FHIT: variants seen among roughly 807,000 people sequenced by gnomAD.
The protein encoded by FHIT is bis(5'-adenosyl)-triphosphatase.
FHIT carries 19 observed loss-of-function variants against 17.9 expected under a neutral mutation model. The observed-to-expected ratio is 1.06, with a 90% CI of 0.74 to 1.56. The LOEUF (loss-of-function observed/expected upper bound fraction) is 1.56, where lower values mean the gene tolerates loss of function less well. Ranked by LOEUF, FHIT falls within the 40% of genes most tolerant of loss-of-function variation. The pLI is 0.00. For missense variants in FHIT, 248 were observed against 189.2 expected (o/e 1.31, Z -1.82); for synonymous variants, 81 against 69.7 (o/e 1.16, Z -0.81).
intron 8 of FHIT, among the ~76,000 whole-genome samples, chr3:59,851,586 T>G (rs1205386518): frequency 6.6e-6 from 1 of 152,182 alleles, no homozygotes; most frequent in African/African-American, 2.4e-5. Flanking sequence ...ACCCAACCTA[T>G]GTAATACTTA....
At chr3:60,361,535 C>A (rs1259835319) in intron 5 of FHIT, among the ~76,000 whole-genome samples, 1 of 152,120 alleles carries the variant, frequency 6.6e-6, no homozygotes, top group Middle Eastern at 3.2e-3. Flanking sequence ...AGCAAGTAAA[C>A]AAAGGATGGA....
At chr3:60,455,353 T>C (rs535997419) in intron 5 of FHIT, among the ~76,000 whole-genome samples, 9 of 152,292 alleles carry the variant, frequency 5.9e-5, no homozygotes, top group Non-Finnish European at 1.2e-4. Flanking sequence ...CCCTCCATCA[T>C]TGAGCTTCAG....
chr3:60,585,924 T>C (rs2037890967), intron 4 of FHIT, among the ~76,000 whole-genome samples: 1 of 151,964 alleles, frequency 6.6e-6, no homozygotes, highest in African/African-American at 2.4e-5. Flanking sequence ...GCCCTTAGTA[T>C]ATTAATGTAC....
chr3:59,801,101 C>A (rs560553106), intron 8 of FHIT, among the ~76,000 whole-genome samples: 1 of 152,278 alleles, frequency 6.6e-6, no homozygotes, highest in South Asian at 2.1e-4. Context: ...CAGAGCTGTA[C>A]CTGCTCATTT....
intron 3 of FHIT, among the ~76,000 whole-genome samples, chr3:60,927,932 G>A (rs147419206): frequency 0.02 from 3,022 of 152,356 alleles, 34 homozygotes; most frequent in Middle Eastern, 0.054. Context: ...GAAAGAAGTA[G>A]ACATAGGAGA....
intron 8 of FHIT, among the ~76,000 whole-genome samples, chr3:59,906,737 A>C (rs1446353898): frequency 6.6e-6 from 1 of 152,178 alleles, no homozygotes; most frequent in Admixed American, 6.5e-5. Flanking sequence ...CCTTCTTTTG[A>C]ATGATGCTAT....
At chr3:60,515,895 G>T (rs545390393) in intron 5 of FHIT, among the ~76,000 whole-genome samples, 28 of 152,296 alleles carry the variant, frequency 1.8e-4, no homozygotes, top group African/African-American at 6.7e-4. Flanking sequence ...TCACATCCAG[G>T]CCCTCAGCTG....
intron 1 of FHIT, among the ~76,000 whole-genome samples, chr3:61,213,657 T>C (rs894126453): frequency 6.6e-5 from 10 of 152,204 alleles, no homozygotes; most frequent in African/African-American, 2.4e-4. Context: ...CAAGCAGACC[T>C]AATAGACATC....
chr3:60,440,408 T>C (rs1576656832), intron 5 of FHIT, among the ~76,000 whole-genome samples: 1 of 152,224 alleles, frequency 6.6e-6, no homozygotes, highest in East Asian at 1.9e-4. Flanking sequence ...AAAGGAATTG[T>C]AGGCATGTCA....
chr3:60,924,708 G>A (rs560287684), intron 3 of FHIT, among the ~76,000 whole-genome samples: 5 of 152,308 alleles, frequency 3.3e-5, no homozygotes, highest in Admixed American at 2.6e-4. Context: ...GCTGGACGGA[G>A]AATGACTTTG....
At chr3:61,147,176 G>T (rs909982394) in intron 2 of FHIT, among the ~76,000 whole-genome samples, 3 of 151,998 alleles carry the variant, frequency 2.0e-5, no homozygotes, top group African/African-American at 7.2e-5. Context: ...TACACCCAGT[G>T]TGTCTAAAAT....
chr3:60,316,229 G>C (rs979909692), intron 5 of FHIT, among the ~76,000 whole-genome samples: 3 of 152,162 alleles, frequency 2.0e-5, no homozygotes, highest in African/African-American at 7.2e-5. Context: ...ATGTATGTGT[G>C]TGTCAAAATA....
chr3:60,326,289 C>T (rs954624099), intron 5 of FHIT, among the ~76,000 whole-genome samples: 2 of 151,978 alleles, frequency 1.3e-5, no homozygotes. Flanking sequence ...CAATGGGAGT[C>T]CTGAGCTTGT....
At chr3:59,774,819 G>C (rs904422908) in intron 8 of FHIT, among the ~76,000 whole-genome samples, 1 of 152,070 alleles carries the variant, frequency 6.6e-6, no homozygotes, top group African/African-American at 2.4e-5. Context: ...TTTTCCTAAG[G>C]CTCCACGGCC....
chr3:60,213,697 G>A (rs1377151972), intron 5 of FHIT, among the ~76,000 whole-genome samples: 2 of 152,070 alleles, frequency 1.3e-5, no homozygotes, highest in East Asian at 1.9e-4. Flanking sequence ...TAAACAGATG[G>A]AAACCAGAAT....
intron 8 of FHIT, among the ~76,000 whole-genome samples, chr3:59,857,803 T>A (rs1352641542): frequency 6.7e-6 from 1 of 149,168 alleles, no homozygotes; most frequent in Non-Finnish European, 1.5e-5. Flanking sequence ...TCAACATTTA[T>A]GTCTGCAGCG....
chr3:60,088,275 G>A (rs1703584867), intron 5 of FHIT, among the ~76,000 whole-genome samples: 1 of 152,056 alleles, frequency 6.6e-6, no homozygotes. Flanking sequence ...TCCAATACTG[G>A]GGATCAAATT....
At position 59,752,241 on chromosome 3, in the gene FHIT, C is replaced by T. The variant is rs780961555; in HGVS notation, c.429G>A (p.Arg143=). 6.2e-7 allele frequency: 1 copy of T among 1,612,832 alleles called. No individual in the cohort carries two copies. The highest frequency in any genetic ancestry group is 2.2e-5 in the East Asian group (1 of 44,776). ...EEMAAEAAAL[R]VYFQ ...TTTACCTGTGTCACTGAAAGTAGAC[C>T]CGCAGAGCTGCGGCTTCTGCTGCCA... The change falls in exon 9 of 10, where the codon CGG becomes CGA. Residue 143 remains arginine, a synonymous_variant. Coordinates refer to ENST00000492590, the MANE Select transcript of FHIT (RefSeq NM_002012.4).
At chr3:60,796,298 A>G (rs1700979075) in intron 4 of FHIT, among the ~76,000 whole-genome samples, 1 of 152,230 alleles carries the variant, frequency 6.6e-6, no homozygotes, top group Non-Finnish European at 1.5e-5. Flanking sequence ...TTTTTAAATT[A>G]GAAAACCTAA....
Sources: gnomAD v4.1 joint callset for allele counts (sites outside exome capture counted in the v4.1 genomes callset) on GRCh38, gnomAD v4.1.1 for gene constraint, MANE v1.5 for transcripts, NCBI Gene and HGNC (gene_info 2026-07-23, HGNC 2026-07-21) for gene names.